Variants in PHACTR2 observed in about 807,000 individuals in gnomAD.
PHACTR2 encodes the protein chromosome 6 open reading frame 56.
In PHACTR2, 30 loss-of-function variants were observed where a neutral mutation model predicts 76.0. The observed-to-expected ratio is 0.39, with a 90% confidence interval of 0.30 to 0.54. PHACTR2 has a LOEUF of 0.54. Among genes scored for constraint, PHACTR2 ranks in the 20% least tolerant of loss-of-function variants. The probability of loss-of-function intolerance (pLI) is 0.61; values close to 1 mark genes in which losing one functional copy is unlikely to be tolerated. For synonymous variants in PHACTR2, 292 were observed against 292.5 expected (o/e 1.00, Z 0.02); for missense variants, 696 against 781.1 (o/e 0.89, Z 1.30).
intron 1 of PHACTR2, among the ~76,000 whole-genome samples, chr6:143,542,078 G>C (rs12208643): frequency 0.12 from 17,552 of 152,102 alleles, 1,314 homozygotes; most frequent in South Asian, 0.33. Flanking sequence ...GTCTCTCCCT[G>C]GTCAGGGAAT....
intron 1 of PHACTR2, among the ~76,000 whole-genome samples, chr6:143,584,348 C>CA (rs1050331386): frequency 1.3e-5 from 2 of 152,316 alleles, no homozygotes; most frequent in African/African-American, 4.8e-5. Context: ...TGAGTCCCTC[C>CA]ACTGTACAGA....
rs1156681255 is a variant in PHACTR2 at position 143,571,680 on chromosome 6, GA to G, written c.217+34474del. Among the ~76,000 whole-genome samples, 1 of 151,908 alleles carries G rather than the reference GA, an allele frequency of 6.6e-6. No individual in the cohort carries two copies. The highest frequency in any genetic ancestry group is 6.6e-5 in the Admixed American group (1 of 15,248). On this transcript the variant is annotated intron_variant, in intron 1 of 11. Coordinates refer to the PHACTR2 transcript ENST00000367584. This position sits in a 1 kb window ranked among gnomAD's most constrained non-coding sequence, Gnocchi z 4.6. ...ACATTGTTGTACAATTGGCTATCGA[GA>G]GTTTGGTACAAGTTTACTCCTGTGT...
intron 1 of PHACTR2, among the ~76,000 whole-genome samples, chr6:143,661,827 G>C (rs1276588306): frequency 6.6e-6 from 1 of 152,004 alleles, no homozygotes; most frequent in East Asian, 1.9e-4. Flanking sequence ...AAAGTGCTGG[G>C]ATTACAAGCA....
At chr6:143,590,325 A>C (rs1582687134) in intron 1 of PHACTR2, among the ~76,000 whole-genome samples, 1 of 152,142 alleles carries the variant, frequency 6.6e-6, no homozygotes, top group Non-Finnish European at 1.5e-5. Flanking sequence ...AAAACATCAC[A>C]GTGTTTCATG....
At chr6:143,586,838 G>C (rs911010783) in intron 1 of PHACTR2, among the ~76,000 whole-genome samples, 13 of 152,104 alleles carry the variant, frequency 8.5e-5, no homozygotes, top group African/African-American at 2.9e-4. Context: ...ATTTTAACTA[G>C]TCCTCAATCT....
At chr6:143,544,720 AT>A (rs1181722508) in intron 1 of PHACTR2, among the ~76,000 whole-genome samples, 3 of 152,182 alleles carry the variant, frequency 2.0e-5, no homozygotes, top group Non-Finnish European at 2.9e-5. Flanking sequence ...TGGAAAGCAT[AT>A]TTTATTTATT....
Position 143,755,812 on chromosome 6 carries a change from T to C in PHACTR2, c.454+1900T>C, listed in dbSNP as rs539791866. 3.3e-5 allele frequency among the ~76,000 whole-genome samples: 5 copies of C among 152,288 alleles called. No homozygotes were observed. The highest frequency in any genetic ancestry group is 1.2e-4 in the African/African-American group (5 of 41,562). ...AAAAGAATGTCACGCATAACTAATA[T>C]TACAGTGTATTATGTTAATTAGAAA... On this transcript the variant is annotated intron_variant, in intron 4 of 12. Transcript: ENST00000440869. This position sits in a 1 kb window ranked among gnomAD's most constrained non-coding sequence, Gnocchi z 5.2.
intron 1 of PHACTR2, among the ~76,000 whole-genome samples, chr6:143,565,718 A>G (rs12210250): frequency 4.0e-5 from 6 of 151,798 alleles, no homozygotes; most frequent in Middle Eastern, 3.2e-3. Context: ...CCTGGAGCAG[A>G]AAACCAGTGG....
chr6:143,600,726 G>A lies in PHACTR2; in HGVS notation c.217+63519G>A, dbSNP rs149930971. On this transcript the variant is annotated intron_variant, in intron 1 of 11. Transcript: ENST00000367584. ...AAGACTATTGAGTGCTATTGAGGGC[G>A]AAGTGATTGTTTTGTTTAGTTTTGT... Among the ~76,000 whole-genome samples, 267 of 152,314 alleles carry A rather than the reference G, an allele frequency of 1.8e-3. 3 individuals are homozygous for A. The highest frequency in any genetic ancestry group is 5.4e-3 in the African/African-American group (226 of 41,568).
intron 1 of PHACTR2, among the ~76,000 whole-genome samples, chr6:143,563,480 C>T (rs1775309766): frequency 2.8e-5 from 4 of 143,544 alleles, no homozygotes; most frequent in South Asian, 2.2e-4. Context: ...TATTTGAACC[C>T]GGGAGGTGGA....
rs1775595715 is a variant in PHACTR2 at position 143,583,395 on chromosome 6, T to A, written c.217+46188T>A. Among the ~76,000 whole-genome samples the A allele has an allele frequency of 1.3e-5, 2 of 152,260 alleles. No homozygotes were observed. The highest frequency in any genetic ancestry group is 1.3e-4 in the Admixed American group (2 of 15,288). On this transcript the variant is annotated intron_variant, in intron 1 of 11. Coordinates refer to the PHACTR2 transcript ENST00000367584. The surrounding 1 kb of genome is among the most constrained non-coding windows in gnomAD (Gnocchi z 4.0). ...ATGATCCCTTTCTCACTTTTATGAT[T>A]GGTAAAAAATTGGTTTATCCTCTCT...
In PHACTR2 at chr6:143,749,006, C is replaced by T; in HGVS notation, c.236C>T (p.Thr79Ile). The change falls in exon 3 of 13, where the codon ACA (threonine) becomes ATA (isoleucine). Residue 79 changes from threonine to isoleucine, a missense_variant. Thr to Ile is a moderately conservative substitution (Grantham distance 89). Transcript: ENST00000440869. ...TSAVLERKISTRQSREELIRR... is the reference protein window; with the variant it reads ...TSAVLERKISIRQSREELIRR... ...AAAGTATTAGAAAGGAAGATATCCA[C>T]ACGACAAAGTAGAGAGGAGCTGATA... 2 of 1,577,986 alleles carry T rather than the reference C, an allele frequency of 1.3e-6. No individual in the cohort carries two copies. The highest frequency in any genetic ancestry group is 1.3e-5 in the African/African-American group (1 of 74,246).
At chr6:143,725,216 T>C (rs1778536082) in intron 2 of PHACTR2, among the ~76,000 whole-genome samples, 1 of 141,818 alleles carries the variant, frequency 7.1e-6, no homozygotes, top group African/African-American at 2.6e-5. Flanking sequence ...TTTTTTTTTT[T>C]TTTTTTTTTG....
At position 143,546,063 on chromosome 6, in the gene PHACTR2, A is replaced by G. The variant is rs943775028; in HGVS notation, c.217+8856A>G. Among the ~76,000 whole-genome samples, 3 of 152,222 alleles carry G rather than the reference A, an allele frequency of 2.0e-5. No individual in the cohort carries two copies. The highest frequency in any genetic ancestry group is 4.4e-5 in the Non-Finnish European group (3 of 68,034). ...GAACCATATCTTGTCTCAAGGTACA[A>G]GTGTAGTTTCGGTTACAGTGAAACT... is the stretch of plus-strand genomic sequence containing the variant. On this transcript the variant is annotated intron_variant, in intron 1 of 11. Transcript: ENST00000367584. The surrounding 1 kb of genome is among the most constrained non-coding windows in gnomAD (Gnocchi z 4.9).
At chr6:143,588,663 TA>T (rs1775654780) in intron 1 of PHACTR2, among the ~76,000 whole-genome samples, 1 of 152,052 alleles carries the variant, frequency 6.6e-6, no homozygotes, top group Non-Finnish European at 1.5e-5. Flanking sequence ...TCAACGAAAC[TA>T]AAAGTCAGTT....
At chr6:143,579,113 AG>A (rs1775545688) in intron 1 of PHACTR2, among the ~76,000 whole-genome samples, 1 of 152,152 alleles carries the variant, frequency 6.6e-6, no homozygotes, top group Non-Finnish European at 1.5e-5. Context: ...CATGTTGCCC[AG>A]GACGGTCTTG....
chr6:143,574,253 G>A (rs777478994), intron 1 of PHACTR2, among the ~76,000 whole-genome samples: 4 of 152,124 alleles, frequency 2.6e-5, no homozygotes, highest in African/African-American at 7.2e-5. Flanking sequence ...GGAGAATCCC[G>A]GTCTCTAGTT....
upstream of PHACTR2, among the ~76,000 whole-genome samples, chr6:143,604,795 G>A (rs1308460715): frequency 6.6e-6 from 1 of 151,600 alleles, no homozygotes; most frequent in Non-Finnish European, 1.5e-5. Flanking sequence ...GCGAGGCTGA[G>A]GCATGAGAAT....
chr6:143,754,822 A>G lies in PHACTR2; in HGVS notation c.454+910A>G, dbSNP rs939289683. ...TTTATAATGTCTGTCTCTAAGTTGA[A>G]TGGTAAAATTTTGTCAAACCTAGTG... On this transcript the variant is annotated intron_variant, in intron 4 of 12. Transcript: ENST00000440869. The surrounding 1 kb of genome is among the most constrained non-coding windows in gnomAD (Gnocchi z 6.2). Among the ~76,000 whole-genome samples, 4 of 152,142 alleles carry G rather than the reference A, an allele frequency of 2.6e-5. No individual in the cohort carries two copies. The South Asian group carries it at 8.3e-4, about 31-fold the overall frequency.
Sources: gnomAD v4.1 joint callset for allele counts (sites outside exome capture counted in the v4.1 genomes callset) on GRCh38, gnomAD v4.1.1 for gene constraint, Gnocchi (gnomAD v3.1) non-coding constraint, MANE v1.5 for transcripts, NCBI Gene and HGNC (gene_info 2026-07-23, HGNC 2026-07-21) for gene names.